RBIS: variants seen among roughly 807,000 people sequenced by gnomAD.
RBIS encodes the protein ribosome biogenesis factor identified in screen.
In RBIS, 9 loss-of-function variants were observed where a neutral mutation model predicts 9.8. That is an observed-to-expected ratio of 0.92 (90% CI 0.56 to 1.61). RBIS has a LOEUF of 1.61. Ranked by LOEUF, RBIS falls within the 40% of genes most tolerant of loss-of-function variation. The probability of loss-of-function intolerance (pLI) is 0.00; values close to 1 mark genes in which losing one functional copy is unlikely to be tolerated. For synonymous variants in RBIS, 35 were observed against 37.9 expected (o/e 0.92, Z 0.28); for missense variants, 103 against 116.0 (o/e 0.89, Z 0.51).
chr8:85,217,613 T>A (rs1028976047), intron 1 of RBIS, 111 bp from the exon 2 acceptor site: 1 of 699,464 alleles, frequency 1.4e-6, no homozygotes, highest in African/African-American at 1.8e-5. Context: ...TACTCTTGAT[T>A]ATTTTTAAAG....
chr8:85,217,564 GTT>G, intron 1 of RBIS, 62 bp from the exon 2 acceptor site: 1 of 1,007,256 alleles, frequency 9.9e-7, no homozygotes, highest in South Asian at 1.4e-5. Context: ...TCAATTTTAA[GTT>G]TTTAAAGGTA....
Position 85,214,427 on chromosome 8 carries a change from G to A in RBIS, c.*133C>T, listed in dbSNP as rs1813046688. On this transcript the variant is annotated 3_prime_UTR_variant, in exon 4 of 4. Coordinates refer to ENST00000619594, the MANE Select transcript of RBIS (RefSeq NM_001099673.3). Reference sequence around the variant, plus strand: ...TGACATTCCACTTTCCTAGGTTATAGGAAAGATCTGTTTATGTAGTTTGTT... The same window carrying A: ...TGACATTCCACTTTCCTAGGTTATAAGAAAGATCTGTTTATGTAGTTTGTT... 2.9e-6 allele frequency: 2 copies of A among 684,618 alleles called. No homozygotes were observed. Among genetic ancestry groups the A allele is most frequent in the Non-Finnish European group, 5.2e-6 (2 of 386,056 alleles). 42.4% of individuals were successfully genotyped at this position (684,618 alleles called of 1,614,324 possible). A position where few individuals can be genotyped will look rare whatever the true frequency, so the allele number is the denominator to read the frequency against.
chr8:85,215,392 CTAA>C (rs1813102714), intron 2 of RBIS: 1 of 153,392 alleles, frequency 6.5e-6, no homozygotes, highest in South Asian at 2.0e-4. Flanking sequence ...CTTTTGAATG[CTAA>C]TAAGATGGCT....
rs770259878 is a variant in RBIS, at chr8:85,214,622, G to C, written c.241C>G (p.Gln81Glu). The C allele has an allele frequency of 6.4e-7, 1 of 1,568,236 alleles. No individual in the cohort carries two copies. Among genetic ancestry groups the C allele is most frequent in the Non-Finnish European group, 8.8e-7 (1 of 1,138,882 alleles). ...EPLQKELIPQ[Q>E]RHESKPVNVD... ...TTAACTGGTTTGCTTTCATGACGCT[G>C]CTGAGGAATCTGAAAGGAGAAAGTA... Residue 81 changes from glutamine (Q) to glutamate (E), a missense_variant, in exon 4 of 4, where the codon CAG (glutamine) becomes GAG (glutamate). Physicochemically the swap from Gln to Glu is conservative, Grantham distance 29 (BLOSUM62 2). Coordinates refer to ENST00000619594, the MANE Select transcript of RBIS (RefSeq NM_001099673.3).
Position 85,214,049 on chromosome 8 carries a change from T to A in RBIS, c.*511A>T. Reference sequence around the variant, plus strand: ...ATAAAAACAAAGGGCTCTGATTGCTTTAGGGGATAAGTGATTTAATATCCA... The same window carrying A: ...ATAAAAACAAAGGGCTCTGATTGCTATAGGGGATAAGTGATTTAATATCCA... On this transcript the variant is annotated 3_prime_UTR_variant, in exon 4 of 4. Transcript: ENST00000619594. 1 of 596,690 alleles carries A rather than the reference T, an allele frequency of 1.7e-6. No individual in the cohort carries two copies. Among genetic ancestry groups the A allele is most frequent in the Non-Finnish European group, 3.0e-6 (1 of 336,084 alleles). The allele number at this position is 596,690 out of a possible 1,614,324, so 37.0% of individuals were successfully genotyped here.
chr8:85,218,031 C>T (rs768770958), intron 1 of RBIS, among the ~76,000 whole-genome samples: 11 of 152,176 alleles, frequency 7.2e-5, no homozygotes, highest in African/African-American at 1.9e-4. Context: ...TCTATGTGAA[C>T]GGCCCTTGCC....
intron 1 of RBIS, among the ~76,000 whole-genome samples, chr8:85,219,818 A>T (rs867286457): frequency 7.2e-5 from 11 of 152,184 alleles, no homozygotes; most frequent in Non-Finnish European, 1.5e-4. Context: ...ATCAATTGCT[A>T]TATGCCACGT....
chr8:85,219,787 CCAAT>C (rs949703569), intron 1 of RBIS, among the ~76,000 whole-genome samples: 1 of 151,830 alleles, frequency 6.6e-6, no homozygotes, highest in Non-Finnish European at 1.5e-5. Context: ...TAACCAAAAT[CCAAT>C]CATTCATCTA....
rs1813038143 is a variant in RBIS at position 85,214,256 on chromosome 8, T to A, written c.*304A>T. The A allele has an allele frequency of 1.8e-6, 1 of 558,938 alleles. No individual in the cohort carries two copies. Among genetic ancestry groups the A allele is most frequent in the African/African-American group, 1.9e-5 (1 of 53,696 alleles). 34.6% of individuals were successfully genotyped at this position (558,938 alleles called of 1,614,324 possible). The stretch of plus-strand genomic sequence containing the variant: ...TTACTGCCACTAAACTGCCTGTATT[T>A]CTGTATGTCCTTCTATCCAAACAGA... On this transcript the variant is annotated 3_prime_UTR_variant, in exon 4 of 4. Coordinates refer to ENST00000619594, the MANE Select transcript of RBIS (RefSeq NM_001099673.3).
intron 1 of RBIS, among the ~76,000 whole-genome samples, chr8:85,219,851 TAC>T: frequency 6.6e-6 from 1 of 152,158 alleles, no homozygotes; most frequent in South Asian, 2.1e-4. Context: ...CTATATTTTA[TAC>T]ACAAAAAATA....
intron 2 of RBIS, 94 bp downstream of exon 2, chr8:85,217,291 AC>A (rs773250131): frequency 1.3e-6 from 1 of 789,896 alleles, no homozygotes; most frequent in African/African-American, 1.7e-5. Context: ...AAAATGAAGA[AC>A]CTTTTTAAAA....
intron 1 of RBIS, among the ~76,000 whole-genome samples, chr8:85,217,866 T>G (rs1381557686): frequency 1.3e-5 from 2 of 152,236 alleles, no homozygotes; most frequent in Admixed American, 6.5e-5. Flanking sequence ...CCTATCATAC[T>G]TTAGAGACTG....
Position 85,214,174 on chromosome 8 carries a change from G to A in RBIS, c.*386C>T, listed in dbSNP as rs1421255239. ...TTCTTCTTAAGGAGGAAAGTTAAAG[G>A]ACACTACAGGTCATCAAAAACAAGT... On this transcript the variant is annotated 3_prime_UTR_variant, in exon 4 of 4. Coordinates refer to ENST00000619594, the MANE Select transcript of RBIS (RefSeq NM_001099673.3). 1.9e-6 allele frequency: 1 copy of A among 535,616 alleles called. No homozygotes were observed. Among genetic ancestry groups the A allele is most frequent in the Non-Finnish European group, 3.6e-6 (1 of 280,220 alleles). The allele number at this position is 535,616 out of a possible 1,614,324, so 33.2% of individuals were successfully genotyped here.
At chr8:85,219,624 G>A (rs370626766) in intron 1 of RBIS, among the ~76,000 whole-genome samples, 2 of 152,072 alleles carry the variant, frequency 1.3e-5, no homozygotes, top group East Asian at 3.9e-4. Flanking sequence ...GGTGACGCGC[G>A]CCTCTAATCC....
rs975020360 is a variant in RBIS at position 85,214,300 on chromosome 8, A to G, written c.*260T>C. ...AAACAGACGTTCACTGCCACTTGTA[A>G]AGTGAAGGATGTAAACGAGGATATA... On this transcript the variant is annotated 3_prime_UTR_variant, in exon 4 of 4. Coordinates refer to ENST00000619594, the MANE Select transcript of RBIS (RefSeq NM_001099673.3). The G allele has an allele frequency of 1.9e-5, 11 of 583,650 alleles. No homozygotes were observed. Among genetic ancestry groups the G allele is most frequent in the African/African-American group, 1.7e-4 (9 of 53,548 alleles). The allele number at this position is 583,650 out of a possible 1,614,324, so 36.2% of individuals were successfully genotyped here.
At position 85,215,035 on chromosome 8, in the gene RBIS, T is replaced by C. The variant is rs1423569954; in HGVS notation, c.117A>G (p.Ile39Met). ...AKPVTTNLKK[I>M]NIMNEEKVNR... ...TAACTTTTTCCTCATTCATAATGTT[T>C]ATCTTTTAAAAAGAAAAAAAGCATT... The change falls in exon 3 of 4, where the codon ATA becomes ATG. Residue 39 changes from isoleucine to methionine, a missense_variant and splice_region_variant. Physicochemically the swap from Ile to Met is conservative, Grantham distance 10. Transcript: ENST00000619594. 1.2e-5 allele frequency: 16 copies of C among 1,294,338 alleles called. No individual in the cohort carries two copies. The highest frequency in any genetic ancestry group is 1.7e-5 in the Non-Finnish European group (16 of 919,958). 80.2% of individuals were successfully genotyped at this position (1,294,338 alleles called of 1,614,324 possible). A position where few individuals can be genotyped will look rare whatever the true frequency, so the allele number is the denominator to read the frequency against.
chr8:85,217,750 C>G (rs1341105759), intron 1 of RBIS: 1 of 500,972 alleles, frequency 2.0e-6, no homozygotes, highest in African/African-American at 1.9e-5. Context: ...CAATTAATAT[C>G]TGCTGGTTGA....
intron 2 of RBIS, 123 bp from the exon 3 acceptor site, chr8:85,215,160 C>T: frequency 2.1e-6 from 1 of 467,998 alleles, no homozygotes; most frequent in Non-Finnish European, 3.8e-6. Context: ...GGATAATTCA[C>T]TCAAAAATTC....
intron 1 of RBIS, among the ~76,000 whole-genome samples, chr8:85,219,882 T>C (rs1813298134): frequency 1.3e-5 from 2 of 152,186 alleles, no homozygotes; most frequent in Admixed American, 6.5e-5. Context: ...ACATAAATAA[T>C]GACAGTATAT....
Sources: allele counts gnomAD v4.1 joint callset (sites outside exome capture counted in the v4.1 genomes callset), GRCh38; gene constraint gnomAD v4.1.1; transcripts MANE v1.5; gene names NCBI Gene and HGNC (gene_info 2026-07-23, HGNC 2026-07-21).